The following SBF2 variants were observed in gnomAD, a reference collection of about 807,000 sequenced individuals.
SBF2 encodes the protein myotubularin-related protein 13.
In SBF2, 112 loss-of-function variants were observed where a neutral mutation model predicts 225.2. The observed-to-expected ratio is 0.50, with a 90% CI of 0.43 to 0.58. The LOEUF is 0.58. SBF2 is among the 20% of genes least tolerant of loss of function. SBF2 has a pLI of 0.00. For missense variants in SBF2, 1,996 were observed against 2,206.2 expected (o/e 0.90, Z 1.91); for synonymous variants, 763 against 773.3 (o/e 0.99, Z 0.22).
rs1851865550 is a variant in SBF2 at position 9,778,859 on chromosome 11, A to G, written c.*1559T>C. 6.5e-6 allele frequency: 1 copy of G among 152,696 alleles called. No homozygotes were observed. Among genetic ancestry groups the G allele is most frequent in the Admixed American group, 6.5e-5 (1 of 15,288 alleles). 9.5% of individuals were successfully genotyped at this position (152,696 alleles called of 1,614,324 possible). A position where few individuals can be genotyped will look rare whatever the true frequency, so the allele number is the denominator to read the frequency against. ...AATGTAATGCCTTCACGAAAGTTAA[A>G]GTAATCCAGTTACAAAAGAAGCACT... On this transcript the variant is annotated 3_prime_UTR_variant, in exon 40 of 40. Coordinates refer to ENST00000256190, the MANE Select transcript of SBF2 (RefSeq NM_030962.4).
At chr11:10,014,882 C>A (rs886584480) in intron 6 of SBF2, among the ~76,000 whole-genome samples, 15 of 152,228 alleles carry the variant, frequency 9.9e-5, no homozygotes, top group African/African-American at 3.6e-4. Context: ...GTAATCCCAG[C>A]ACTTTGGGAG....
intron 2 of SBF2, among the ~76,000 whole-genome samples, chr11:10,043,611 A>C (rs895483975): frequency 2.0e-5 from 3 of 151,982 alleles, no homozygotes; most frequent in African/African-American, 7.3e-5. Context: ...GTCTTGTTTC[A>C]TCACCCAGGC....
At chr11:9,788,656 G>A (rs561553074) in intron 35 of SBF2, among the ~76,000 whole-genome samples, 4 of 148,698 alleles carry the variant, frequency 2.7e-5, no homozygotes. Context: ...GTGCAGTGGC[G>A]TGATCTCTGC....
At chr11:9,902,889 T>C (rs11042540) in intron 16 of SBF2, among the ~76,000 whole-genome samples, 99,483 of 150,874 alleles carry the variant, frequency 0.66, 33,026 homozygotes, top group African/African-American at 0.75. Context: ...TGTATTATCA[T>C]GAAAGAAACA....
At chr11:10,184,280 A>T (rs1295426345) in intron 2 of SBF2, among the ~76,000 whole-genome samples, 1 of 152,200 alleles carries the variant, frequency 6.6e-6, no homozygotes, top group African/African-American at 2.4e-5. Context: ...AGCTAATACC[A>T]TACTGTCTTG....
At chr11:10,028,985 A>C (rs189513379) in intron 5 of SBF2, among the ~76,000 whole-genome samples, 1 of 152,314 alleles carries the variant, frequency 6.6e-6, no homozygotes, top group African/African-American at 2.4e-5. Context: ...TAAAAATTTA[A>C]GACAAAAGAC....
intron 1 of SBF2, among the ~76,000 whole-genome samples, chr11:10,214,106 A>G (rs1186796461): frequency 6.6e-6 from 1 of 152,168 alleles, no homozygotes; most frequent in Admixed American, 6.5e-5. Context: ...TTCTCAAACT[A>G]AACACTATTG....
chr11:9,839,419 G>T, intron 26 of SBF2, 79 bp downstream of exon 26: 1 of 1,351,736 alleles, frequency 7.4e-7, no homozygotes, highest in Non-Finnish European at 1.1e-6. Context: ...TCAGGGCTAT[G>T]GATGCAAATG....
intron 2 of SBF2, among the ~76,000 whole-genome samples, chr11:10,086,354 A>G (rs367941051): frequency 2.2e-4 from 34 of 152,324 alleles, no homozygotes; most frequent in African/African-American, 7.9e-4. Flanking sequence ...TATACCTGAC[A>G]TAACTCTTAC....
intron 16 of SBF2, among the ~76,000 whole-genome samples, chr11:9,903,786 T>G (rs933248735): frequency 9.2e-5 from 14 of 152,130 alleles, no homozygotes; most frequent in African/African-American, 3.4e-4. Flanking sequence ...GCATGCGCAG[T>G]GTGTTTAGGA....
At chr11:10,175,040 C>T (rs1017630341) in intron 2 of SBF2, among the ~76,000 whole-genome samples, 2 of 152,004 alleles carry the variant, frequency 1.3e-5, no homozygotes, top group African/African-American at 4.8e-5. Context: ...ACGACCGATA[C>T]CAGCCGCTGC....
At chr11:10,265,576 T>TA (rs1263968370) in intron 1 of SBF2, among the ~76,000 whole-genome samples, 4 of 151,630 alleles carry the variant, frequency 2.6e-5, no homozygotes, top group Non-Finnish European at 5.9e-5. Context: ...ACAGTCAATA[T>TA]AAAAAATCTA....
At chr11:10,302,198 G>A (rs778419078) in intron 1 of SBF2, among the ~76,000 whole-genome samples, 3 of 152,108 alleles carry the variant, frequency 2.0e-5, no homozygotes, top group Admixed American at 6.5e-5. Context: ...GCATTCTAGT[G>A]ATTTTTTTTT....
chr11:10,111,274 A>T (rs1952825914), intron 2 of SBF2, among the ~76,000 whole-genome samples: 1 of 151,740 alleles, frequency 6.6e-6, no homozygotes, highest in South Asian at 2.1e-4. Flanking sequence ...GAAAATTTCC[A>T]GCCAAGAAAT....
intron 13 of SBF2, among the ~76,000 whole-genome samples, chr11:9,975,239 T>C (rs965760663): frequency 2.6e-5 from 4 of 152,208 alleles, no homozygotes; most frequent in Non-Finnish European, 5.9e-5. Flanking sequence ...TTATTCATTA[T>C]TGCTAAAATT....
chr11:10,173,512 G>A (rs1375264804), intron 2 of SBF2, among the ~76,000 whole-genome samples: 3 of 152,202 alleles, frequency 2.0e-5, no homozygotes, highest in South Asian at 2.1e-4. Context: ...AGGGTCCTAC[G>A]CCCACGGAGT....
intron 12 of SBF2, 75 bp from the exon 13 acceptor site, chr11:9,989,670 A>G (rs569470214): frequency 2.2e-6 from 2 of 927,008 alleles, no homozygotes; most frequent in Non-Finnish European, 3.4e-6. Context: ...AATTTCATAC[A>G]ATTTGCAAGC....
chr11:10,177,876 C>T (rs1956540193), intron 2 of SBF2, among the ~76,000 whole-genome samples: 1 of 149,952 alleles, frequency 6.7e-6, no homozygotes, highest in African/African-American at 2.5e-5. Context: ...AAAGAGCCTG[C>T]ATTGCCAAGA....
intron 1 of SBF2, among the ~76,000 whole-genome samples, chr11:10,249,889 T>C (rs1960186811): frequency 1.3e-5 from 2 of 150,666 alleles, no homozygotes; most frequent in South Asian, 2.1e-4. Flanking sequence ...GTCCATAGCA[T>C]TGGAATGCAT....
Sources: gnomAD v4.1 joint callset for allele counts (sites outside exome capture counted in the v4.1 genomes callset) on GRCh38, gnomAD v4.1.1 for gene constraint, MANE v1.5 for transcripts, NCBI Gene and HGNC (gene_info 2026-07-23, HGNC 2026-07-21) for gene names.